CC2D1B: variants seen among roughly 807,000 people sequenced by gnomAD.
The protein encoded by CC2D1B is coiled-coil and C2 domain containing 1B.
Under a neutral mutation model 110.8 loss-of-function variants are expected in CC2D1B, and 92 were observed. The ratio of observed to expected loss-of-function variants is 0.83; its 90% CI spans 0.70 to 0.99. The LOEUF is 0.99. Among genes scored for constraint, CC2D1B ranks in the 50% least tolerant of loss-of-function variants. The probability of loss-of-function intolerance (pLI) is 0.00; values close to 1 mark genes in which losing one functional copy is unlikely to be tolerated. For synonymous variants in CC2D1B, 406 were observed against 429.2 expected (o/e 0.95, Z 0.67); for missense variants, 1,136 against 1,089.0 (o/e 1.04, Z -0.61).
chr1:52,351,869 G>A lies in CC2D1B; in HGVS notation c.*1356C>T, dbSNP rs554175245. The A allele has an allele frequency of 7.1e-6, 1 of 140,526 alleles. No individual in the cohort carries two copies. The highest frequency in any genetic ancestry group is 7.3e-5 in the Admixed American group (1 of 13,708). 8.7% of individuals were successfully genotyped at this position (140,526 alleles called of 1,614,324 possible). ...ACTGCACTCCAGCCTGGCTGGCAGA[G>A]AGCTACTCTGTCTCAAAAAAAAAAA... is the stretch of plus-strand genomic sequence containing the variant. On this transcript the variant is annotated 3_prime_UTR_variant, in exon 25 of 25. Coordinates refer to ENST00000284376, the MANE Select transcript of CC2D1B (RefSeq NM_001330585.2).
At position 52,352,912 on chromosome 1, in the gene CC2D1B, C is replaced by A; in HGVS notation, c.*313G>T. The A allele has an allele frequency of 4.2e-6, 1 of 239,186 alleles. No individual in the cohort carries two copies. Among genetic ancestry groups the A allele is most frequent in the Non-Finnish European group, 8.7e-6 (1 of 115,404 alleles). 14.8% of individuals were successfully genotyped at this position (239,186 alleles called of 1,614,324 possible). A position where few individuals can be genotyped will look rare whatever the true frequency, so the allele number is the denominator to read the frequency against. The stretch of plus-strand genomic sequence containing the variant: ...GCAGGGGTAAGCTGTACACAGTTGC[C>A]ACGCAGGGGTTAAGGGGCTGCAGGA... On this transcript the variant is annotated 3_prime_UTR_variant, in exon 25 of 25. Coordinates refer to ENST00000284376, the MANE Select transcript of CC2D1B (RefSeq NM_001330585.2).
chr1:52,357,020 A>AT lies in CC2D1B; in HGVS notation c.1858dup (p.Met620AsnfsTer24), dbSNP rs1028897045. 7.0e-6 allele frequency: 11 copies of AT among 1,564,706 alleles called. No homozygotes were observed. Among genetic ancestry groups the AT allele is most frequent in the African/African-American group, 1.4e-5 (1 of 73,866 alleles). On this transcript the variant is annotated frameshift_variant, in exon 16 of 25. Coordinates refer to ENST00000284376, the MANE Select transcript of CC2D1B (RefSeq NM_001330585.2). LOFTEE classifies it high-confidence loss of function. Reference sequence around the variant, plus strand: ...GCTGACCTCTTGTTGCTCCAGAAGCATTTTTTGCAGCTGGGCATACACCTC... The same window carrying AT: ...GCTGACCTCTTGTTGCTCCAGAAGCATTTTTTTGCAGCTGGGCATACACCTC...
chr1:52,361,188 C>G, intron 4 of CC2D1B, 56 bp from the exon 5 acceptor site: 1 of 1,600,914 alleles, frequency 6.2e-7, no homozygotes, highest in Non-Finnish European at 8.5e-7. Flanking sequence ...ATACCCACAA[C>G]AGGACCTGAG....
At chr1:52,355,118 T>C (rs1376014196) in intron 21 of CC2D1B, among the ~76,000 whole-genome samples, 179 bp from the exon 22 acceptor site, 3 of 152,204 alleles carry the variant, frequency 2.0e-5, no homozygotes, top group Non-Finnish European at 4.4e-5. Context: ...TTTGTACTCT[T>C]TTTAGTCATA....
chr1:52,355,890 T>C (rs760820670), intron 18 of CC2D1B, 46 bp from the exon 19 acceptor site: 2 of 1,594,626 alleles, frequency 1.3e-6, no homozygotes, highest in Admixed American at 1.7e-5. Context: ...TGAAGGACAG[T>C]AGTGGAACAA....
intron 15 of CC2D1B, among the ~76,000 whole-genome samples, 174 bp downstream of exon 15, chr1:52,357,352 T>C (rs1328493169): frequency 1.3e-5 from 2 of 152,240 alleles, no homozygotes; most frequent in African/African-American, 4.8e-5. Flanking sequence ...TTCTCCTGGT[T>C]TCCTTTGGGG....
rs1646530926 is a variant in CC2D1B, at chr1:52,351,574, T to TTTGGTA, written c.*1645_*1650dup. The TTTGGTA allele has an allele frequency of 6.6e-6, 1 of 152,104 alleles. No homozygotes were observed. Among genetic ancestry groups the TTTGGTA allele is most frequent in the Non-Finnish European group, 1.5e-5 (1 of 68,034 alleles). 9.4% of individuals were successfully genotyped at this position (152,104 alleles called of 1,614,324 possible). A position where few individuals can be genotyped will look rare whatever the true frequency, so the allele number is the denominator to read the frequency against. ...TGTTAAATCTCACATCTGTGGAAGTTTTGGTAGCTCACTTCTGATAAGATT... is the reference window on the plus strand; with the variant it reads ...TGTTAAATCTCACATCTGTGGAAGTTTTGGTATTGGTAGCTCACTTCTGATAAGATT... On this transcript the variant is annotated 3_prime_UTR_variant, in exon 25 of 25. Transcript: ENST00000284376.
chr1:52,362,741 C>T lies in CC2D1B; in HGVS notation c.75G>A (p.Gly25=). 1 of 1,614,008 alleles carries T rather than the reference C, an allele frequency of 6.2e-7. No homozygotes were observed. The highest frequency in any genetic ancestry group is 8.5e-7 in the Non-Finnish European group (1 of 1,179,982). ...CCTCAGGGCCAAACTCCATAAAGAG[C>T]CCCATCTGAGAGCAGAGCAGGACTC... is the stretch of plus-strand genomic sequence containing the variant. ...GQGVAAAKQM[G]LFMEFGPEDM... Residue 25 remains glycine, a synonymous_variant, in exon 3 of 25, where the codon GGG becomes GGA. Coordinates refer to ENST00000284376, the MANE Select transcript of CC2D1B (RefSeq NM_001330585.2).
In CC2D1B at chr1:52,354,908, G is replaced by A. The variant is rs202237458; in HGVS notation, c.2271C>T (p.Asn757=). ...CCCTCTTGAAGCCCCGGTGGTTTCG[G>A]TTGATGTTTAGTTTGAAGAGTTGAT... is the stretch of plus-strand genomic sequence containing the variant. ...EFDQLFKLNI[N]RNHRGFKRVI... is the part of the protein sequence containing the mutation. The change falls in exon 22 of 25, where the codon AAC becomes AAT. Residue 757 remains asparagine, a synonymous_variant. Transcript: ENST00000284376. 1 of 1,614,188 alleles carries A rather than the reference G, an allele frequency of 6.2e-7. No individual in the cohort carries two copies. Among genetic ancestry groups the A allele is most frequent in the Non-Finnish European group, 8.5e-7 (1 of 1,180,020 alleles).
chr1:52,354,255 G>A, intron 23 of CC2D1B: 1 of 439,900 alleles, frequency 2.3e-6, no homozygotes. Context: ...TTATCAGTAA[G>A]GAGCTGGTCG....
rs112429728 is a variant in CC2D1B, at chr1:52,359,817, G to A, written c.830C>T (p.Pro277Leu). ...ISAQPVSDLD[P>L]DPRALLSSRQ... ...GGATGACAGCAGGGCCCGCGGGTCT[G>A]GGTCTAAGTCTGAAACGGGCTGGGC... The change falls in exon 8 of 25, where the codon CCA becomes CTA. Residue 277 changes from proline (P) to leucine (L), a missense_variant. By Grantham distance (98) the Pro-to-Leu change is moderately conservative. Transcript: ENST00000284376. 9 of 1,611,770 alleles carry A rather than the reference G, an allele frequency of 5.6e-6. No individual in the cohort carries two copies. The African/African-American group carries it at 9.3e-5, about 17-fold the overall frequency.
At chr1:52,363,268 G>T (rs1018736864) in intron 2 of CC2D1B, among the ~76,000 whole-genome samples, 1 of 152,036 alleles carries the variant, frequency 6.6e-6, no homozygotes, top group South Asian at 2.1e-4. Flanking sequence ...GGTGGCGGGC[G>T]CCTGTAGTCC....
chr1:52,353,582 C>G lies in CC2D1B; in HGVS notation c.2496G>C (p.Leu832=). ...TGACCATCTGCACATCCTGGCCACTCAGAGGCTCCCGCAGCCTCACCTTCA... is the reference window on the plus strand; with the variant it reads ...TGACCATCTGCACATCCTGGCCACTGAGAGGCTCCCGCAGCCTCACCTTCA... ...LEVKVRLREP[L]SGQDVQMVTE... Residue 832 remains leucine, a synonymous_variant, in exon 24 of 25, where the codon CTG becomes CTC. Coordinates refer to ENST00000284376, the MANE Select transcript of CC2D1B (RefSeq NM_001330585.2). 3 of 1,613,884 alleles carry G rather than the reference C, an allele frequency of 1.9e-6. No individual in the cohort carries two copies. Among genetic ancestry groups the G allele is most frequent in the Non-Finnish European group, 1.7e-6 (2 of 1,179,900 alleles).
At position 52,355,011 on chromosome 1, in the gene CC2D1B, A is replaced by G; in HGVS notation, c.2240-72T>C. ...CCTGAGGAAGTGGAAATGGAGGCCC[A>G]GGGCTGGCTGCCTTCCCCCAATCTC... On this transcript the variant is annotated intron_variant, in intron 21 of 24. Coordinates refer to ENST00000284376, the MANE Select transcript of CC2D1B (RefSeq NM_001330585.2). The G allele has an allele frequency of 3.1e-6, 4 of 1,273,670 alleles. No homozygotes were observed. The South Asian group carries it at 3.6e-5, about 12-fold the overall frequency. 78.9% of individuals were successfully genotyped at this position (1,273,670 alleles called of 1,614,324 possible). A position where few individuals can be genotyped will look rare whatever the true frequency, so the allele number is the denominator to read the frequency against.
At chr1:52,354,084 G>T (rs1360069246) in intron 23 of CC2D1B, among the ~76,000 whole-genome samples, 1 of 152,164 alleles carries the variant, frequency 6.6e-6, no homozygotes, top group Non-Finnish European at 1.5e-5. Context: ...TTGGGCAGAA[G>T]ATGAGGCAGT....
chr1:52,354,545 A>T, intron 23 of CC2D1B, 63 bp downstream of exon 23: 2 of 1,287,432 alleles, frequency 1.6e-6, no homozygotes, highest in South Asian at 2.4e-5. Context: ...AAGGTGTGGC[A>T]TTCAGTGCGT....
chr1:52,358,197 G>T (rs1160990831), intron 13 of CC2D1B, 134 bp downstream of exon 13: 2 of 1,302,884 alleles, frequency 1.5e-6, no homozygotes, highest in East Asian at 2.5e-5. Context: ...GTGTCCTTGG[G>T]CAAGTTTTTT....
chr1:52,355,336 G>T (rs533726575), intron 21 of CC2D1B, 62 bp downstream of exon 21: 9 of 1,565,436 alleles, frequency 5.7e-6, no homozygotes, highest in Non-Finnish European at 7.9e-6. Flanking sequence ...ACCCACTCTG[G>T]AAACACCAGT....
Position 52,357,625 on chromosome 1 carries a change from G to A in CC2D1B, c.1653C>T (p.Ser551=). 1 of 1,592,478 alleles carries A rather than the reference G, an allele frequency of 6.3e-7. No individual in the cohort carries two copies. Among genetic ancestry groups the A allele is most frequent in the Admixed American group, 1.8e-5 (1 of 56,566 alleles). Residue 551 remains serine (S), a synonymous_variant, in exon 15 of 25, where the codon AGC becomes AGT. Coordinates refer to ENST00000284376, the MANE Select transcript of CC2D1B (RefSeq NM_001330585.2). ...YQRAALQAKR[S]QDLEQAKAYL... is the part of the protein sequence containing the mutation. ...AGGCTTTGGCCTGCTCCAGGTCCTG[G>A]CTGCGCTTGGCCTGCAGGGCTGCCC...
Sources: gnomAD v4.1 joint callset for allele counts (sites outside exome capture counted in the v4.1 genomes callset) on GRCh38, gnomAD v4.1.1 for gene constraint, MANE v1.5 for transcripts, NCBI Gene and HGNC (gene_info 2026-07-23, HGNC 2026-07-21) for gene names.